Variants in VAV3 observed in about 807,000 individuals in gnomAD.
The protein encoded by VAV3 is vav guanine nucleotide exchange factor 3.
VAV3 carries 94 observed loss-of-function variants against 131.2 expected under a neutral mutation model. That is an observed-to-expected ratio of 0.72 (90% CI 0.61 to 0.85). VAV3 has a LOEUF of 0.85. Ranked by LOEUF, VAV3 falls within the 40% of genes least tolerant of loss-of-function variation. VAV3 has a pLI of 0.00. For missense variants in VAV3, 939 were observed against 1,002.7 expected (o/e 0.94, Z 0.86); for synonymous variants, 349 against 342.0 (o/e 1.02, Z -0.22).
At chr1:107,809,263 A>T (rs1218320084) in intron 2 of VAV3, among the ~76,000 whole-genome samples, 1 of 152,198 alleles carries the variant, frequency 6.6e-6, no homozygotes, top group East Asian at 1.9e-4. Context: ...TCAGCACTAT[A>T]ATTAGACACA....
At chr1:107,733,674 G>A (rs1472050612) in intron 15 of VAV3, among the ~76,000 whole-genome samples, 1 of 152,020 alleles carries the variant, frequency 6.6e-6, no homozygotes, top group Non-Finnish European at 1.5e-5. Flanking sequence ...AATGAAGCGA[G>A]AAGAGAAGTT....
rs948652325 is a variant in VAV3, at chr1:107,793,066, A to G, written c.322-13574T>C. On this transcript the variant is annotated intron_variant, in intron 2 of 26. Transcript: ENST00000370056. ...TTATATGTTATACATATGCATGCAC[A>G]CATGTACACACACATACCAGAATCT... Among the ~76,000 whole-genome samples the G allele has an allele frequency of 2.6e-5, 4 of 152,254 alleles. No individual in the cohort carries two copies. In the East Asian group the frequency reaches 7.7e-4, roughly 29 times the overall value.
intron 20 of VAV3, among the ~76,000 whole-genome samples, chr1:107,619,689 A>C (rs1331754052): frequency 6.6e-6 from 1 of 152,200 alleles, no homozygotes; most frequent in East Asian, 1.9e-4. Context: ...TGGTCTTTCC[A>C]AAGTGTATTT....
intron 2 of VAV3, among the ~76,000 whole-genome samples, chr1:107,792,823 T>C (rs1255033906): frequency 6.6e-6 from 1 of 152,158 alleles, no homozygotes; most frequent in Non-Finnish European, 1.5e-5. Context: ...GCATGGTTGC[T>C]CCTAGAGGCT....
intron 2 of VAV3, among the ~76,000 whole-genome samples, chr1:107,823,001 A>T (rs1475807264): frequency 6.6e-6 from 1 of 152,222 alleles, no homozygotes; most frequent in East Asian, 1.9e-4. Flanking sequence ...GGAAGACAAT[A>T]AAACAAGTTG....
rs11185196 is a variant in VAV3 at position 107,884,192 on chromosome 1, A to G, written c.205-9175T>C. On this transcript the variant is annotated intron_variant, in intron 1 of 26. Transcript: ENST00000370056. Reference sequence around the variant, plus strand: ...AAGACCTAGTATTTGTACAACAGGCAGACTATAGTCAATAATAATTTAACT... The same window carrying G: ...AAGACCTAGTATTTGTACAACAGGCGGACTATAGTCAATAATAATTTAACT... Among the ~76,000 whole-genome samples, 615 of 151,906 alleles carry G rather than the reference A, an allele frequency of 4.0e-3. 5 individuals carry two copies. The highest frequency in any genetic ancestry group is 0.014 in the African/African-American group (579 of 41,460).
At chr1:107,863,229 C>A (rs943173505) in intron 2 of VAV3, among the ~76,000 whole-genome samples, 1 of 152,154 alleles carries the variant, frequency 6.6e-6, no homozygotes, top group Admixed American at 6.5e-5. Context: ...TCTGACCACT[C>A]ACTTCAATTC....
At chr1:107,596,427 G>T in intron 24 of VAV3, 86 bp from the exon 25 acceptor site, 1 of 1,434,346 alleles carries the variant, frequency 7.0e-7, no homozygotes. Flanking sequence ...AATACAATAA[G>T]GATGACCAAT....
chr1:107,576,383 A>G (rs1649652421), intron 25 of VAV3: 1 of 1,497,804 alleles, frequency 6.7e-7, no homozygotes, highest in South Asian at 1.3e-5. Flanking sequence ...AAAAGTAGTA[A>G]AGCAGTACCT....
chr1:107,958,546 C>T (rs1193350314), intron 1 of VAV3, among the ~76,000 whole-genome samples: 9 of 152,166 alleles, frequency 5.9e-5, no homozygotes, highest in Admixed American at 5.9e-4. Context: ...ACATGGCAAT[C>T]AATGACTCTA....
chr1:107,688,348 G>T, intron 18 of VAV3, 33 bp downstream of exon 18: 2 of 1,606,840 alleles, frequency 1.2e-6, no homozygotes, highest in Non-Finnish European at 8.5e-7. Context: ...GAAATGCAAA[G>T]GTTATAAAAA....
intron 19 of VAV3, among the ~76,000 whole-genome samples, chr1:107,679,073 A>C (rs1419010280): frequency 6.6e-6 from 1 of 152,174 alleles, no homozygotes; most frequent in Admixed American, 6.5e-5. Context: ...AATGTCAGAT[A>C]AGAAATGAAA....
chr1:107,751,756 T>A lies in VAV3; in HGVS notation c.1174-554A>T, dbSNP rs373796150. On this transcript the variant is annotated intron_variant, in intron 12 of 26. Transcript: ENST00000370056. ...ACCTCAAGGACGAAAAGCTCTGAGT[T>A]AATTATTTAAAATAATGAGCTATTT... 2.2e-4 allele frequency among the ~76,000 whole-genome samples: 34 copies of A among 152,306 alleles called. No homozygotes were observed. In the South Asian group the frequency reaches 7.0e-3, roughly 32 times the overall value.
At chr1:107,721,367 T>C (rs768840223) in intron 15 of VAV3, among the ~76,000 whole-genome samples, 28 of 152,144 alleles carry the variant, frequency 1.8e-4, no homozygotes, top group Admixed American at 7.9e-4. Context: ...GAGAATAACA[T>C]GGCCAATAAC....
chr1:107,710,893 A>G (rs1410644020), intron 15 of VAV3, among the ~76,000 whole-genome samples: 16 of 152,192 alleles, frequency 1.1e-4, no homozygotes, highest in Non-Finnish European at 1.5e-5. Context: ...TTCTAATGAA[A>G]CTAAATAAAC....
At chr1:107,914,759 TG>T (rs1038236324) in intron 1 of VAV3, among the ~76,000 whole-genome samples, 10 of 152,172 alleles carry the variant, frequency 6.6e-5, no homozygotes, top group Non-Finnish European at 1.0e-4. Context: ...TTAGTAGGCA[TG>T]GTCCTATAGC....
chr1:107,890,583 G>T (rs748126369), intron 1 of VAV3, among the ~76,000 whole-genome samples: 63 of 151,860 alleles, frequency 4.1e-4, no homozygotes, highest in Non-Finnish European at 8.1e-4. Flanking sequence ...ACTTCCAGTG[G>T]GAAGAGAAAA....
chr1:107,868,520 G>C (rs992273050), intron 2 of VAV3, among the ~76,000 whole-genome samples: 1 of 152,128 alleles, frequency 6.6e-6, no homozygotes, highest in Non-Finnish European at 1.5e-5. Flanking sequence ...CTCTCAAGTA[G>C]GTTGTCGGGA....
chr1:107,649,132 A>G (rs1655961336), intron 19 of VAV3, among the ~76,000 whole-genome samples: 1 of 152,072 alleles, frequency 6.6e-6, no homozygotes, highest in African/African-American at 2.4e-5. Context: ...ACACGTCTGT[A>G]TGCAGCTCTG....
Sources: allele counts gnomAD v4.1 joint callset (sites outside exome capture counted in the v4.1 genomes callset), GRCh38; gene constraint gnomAD v4.1.1; transcripts MANE v1.5; gene names NCBI Gene and HGNC (gene_info 2026-07-23, HGNC 2026-07-21).